KIAA1671: variants seen among roughly 807,000 people sequenced by gnomAD.
KIAA1671 encodes uncharacterized protein KIAA1671.
In KIAA1671, 52 loss-of-function variants were observed where a neutral mutation model predicts 131.2. The ratio of observed to expected loss-of-function variants is 0.40; its 90% CI spans 0.32 to 0.50. The LOEUF is 0.50. Ranked by LOEUF, KIAA1671 falls within the 20% of genes least tolerant of loss-of-function variation. KIAA1671 has a pLI of 0.73. For synonymous variants in KIAA1671, 1,003 were observed against 961.6 expected (o/e 1.04, Z -0.80); for missense variants, 2,360 against 2,364.2 (o/e 1.00, Z 0.04).
At chr22:24,973,067 C>T (rs1922712107) in intron 1 of KIAA1671, among the ~76,000 whole-genome samples, 3 of 152,130 alleles carry the variant, frequency 2.0e-5, no homozygotes, top group Admixed American at 2.0e-4. Context: ...GCAAGCTGGG[C>T]ATTGTGCTGG....
At chr22:25,018,655 C>T (rs945257426) in intron 1 of KIAA1671, among the ~76,000 whole-genome samples, 180 of 152,264 alleles carry the variant, frequency 1.2e-3, no homozygotes, top group African/African-American at 3.9e-3. Context: ...ATTATGCATA[C>T]AGTATTTGTC....
chr22:25,034,830 T>C (rs1272573750), intron 4 of KIAA1671, among the ~76,000 whole-genome samples: 1 of 152,046 alleles, frequency 6.6e-6, no homozygotes, highest in African/African-American at 2.4e-5. Context: ...CTCCGCCTCC[T>C]GGGTTCACAC....
rs905228858 is a variant in KIAA1671, at chr22:24,952,960, C to T, written c.-208+188C>T. On this transcript the variant is annotated intron_variant, in intron 1 of 12. Coordinates refer to ENST00000358431, the MANE Select transcript of KIAA1671 (RefSeq NM_001145206.2). The surrounding 1 kb of genome is among the most constrained non-coding windows in gnomAD (Gnocchi z 4.5). ...GGAGCCGGAGGATTTCCCCAGACTCCGGGTCTGCAGGGAGGGAGGATCCCG... is the reference window on the plus strand; with the variant it reads ...GGAGCCGGAGGATTTCCCCAGACTCTGGGTCTGCAGGGAGGGAGGATCCCG... 1.3e-5 allele frequency among the ~76,000 whole-genome samples: 2 copies of T among 152,178 alleles called. No homozygotes were observed. The highest frequency in any genetic ancestry group is 4.1e-4 in the South Asian group (2 of 4,832).
intron 6 of KIAA1671, among the ~76,000 whole-genome samples, chr22:25,068,647 A>G (rs1482244105): frequency 1.3e-5 from 2 of 152,184 alleles, no homozygotes; most frequent in East Asian, 1.9e-4. Flanking sequence ...CGTGTTAGCC[A>G]GGATGGTCTC....
At chr22:25,084,056 C>A (rs1223802551) in intron 6 of KIAA1671, among the ~76,000 whole-genome samples, 1 of 152,218 alleles carries the variant, frequency 6.6e-6, no homozygotes, top group Non-Finnish European at 1.5e-5. Flanking sequence ...CAGGTCAGTC[C>A]CAGTAGTCTG....
rs1356864882 is a variant in KIAA1671, at chr22:25,028,591, C to T, written c.592C>T (p.Pro198Ser). ...KPAGTLPRSAPLSQDTKPPVP... is the reference protein window; with the variant it reads ...KPAGTLPRSASLSQDTKPPVP... ...TGCGGGGACCCTTCCCCGGTCAGCT[C>T]CCCTGTCTCAGGACACAAAACCACC... The change falls in exon 3 of 13, where the codon CCC becomes TCC. Residue 198 changes from proline to serine, a missense_variant. Transcript: ENST00000358431. 7.7e-6 allele frequency: 12 copies of T among 1,549,200 alleles called. No individual in the cohort carries two copies. The Admixed American group carries it at 1.8e-4, about 23-fold the overall frequency.
intron 6 of KIAA1671, among the ~76,000 whole-genome samples, chr22:25,157,239 ATC>A (rs1933273787): frequency 6.6e-6 from 1 of 152,256 alleles, no homozygotes; most frequent in Non-Finnish European, 1.5e-5. Context: ...AAAAAAAGTC[ATC>A]TCTCCTCGTC....
At position 25,194,648 on chromosome 22, in the gene KIAA1671, A is replaced by G. The variant is rs1055762595; in HGVS notation, c.*2247A>G. Reference sequence around the variant, plus strand: ...CATACCTTAATTGGAAAAATAATCAATTAATTCTATGTTAATTAGGATATA... The same window carrying G: ...CATACCTTAATTGGAAAAATAATCAGTTAATTCTATGTTAATTAGGATATA... On this transcript the variant is annotated 3_prime_UTR_variant, in exon 13 of 13. Transcript: ENST00000358431. 1 of 152,254 alleles carries G rather than the reference A, an allele frequency of 6.6e-6. No individual in the cohort carries two copies. Among genetic ancestry groups the G allele is most frequent in the Admixed American group, 6.5e-5 (1 of 15,288 alleles). The allele number at this position is 152,254 out of a possible 1,614,324, so 9.4% of individuals were successfully genotyped here.
chr22:25,043,703 T>TTGGCCATGCTTTTGGGTGGGC (rs1927066880), intron 5 of KIAA1671, among the ~76,000 whole-genome samples: 1 of 151,630 alleles, frequency 6.6e-6, no homozygotes, highest in African/African-American at 2.4e-5. Flanking sequence ...AGCTTGAGGG[T>TTGGCCATGCTTTTGGGTGGGC]TGGCCATGCT....
chr22:25,155,459 G>A (rs1373546200), intron 6 of KIAA1671, among the ~76,000 whole-genome samples: 2 of 151,900 alleles, frequency 1.3e-5, no homozygotes, highest in African/African-American at 4.8e-5. Context: ...ATGCATTTGT[G>A]TATATTTGTG....
At chr22:25,182,422 CTTCT>C (rs1197885700) in intron 10 of KIAA1671, among the ~76,000 whole-genome samples, 4 of 147,750 alleles carry the variant, frequency 2.7e-5, no homozygotes, top group African/African-American at 5.0e-5. Context: ...CTTTTTTATC[CTTCT>C]TTTTTTCCTT....
At chr22:25,164,314 C>T (rs1171612735) in intron 6 of KIAA1671, among the ~76,000 whole-genome samples, 1 of 152,220 alleles carries the variant, frequency 6.6e-6, no homozygotes, top group African/African-American at 2.4e-5. Flanking sequence ...AACTAAGAGC[C>T]CCATAGCTGT....
At chr22:25,114,357 C>A (rs1029958193) in intron 6 of KIAA1671, among the ~76,000 whole-genome samples, 3 of 152,238 alleles carry the variant, frequency 2.0e-5, no homozygotes, top group Non-Finnish European at 4.4e-5. Flanking sequence ...AAGCCCCCAG[C>A]ACAGTGCCAG....
chr22:25,088,083 A>C (rs1293157300), intron 6 of KIAA1671, among the ~76,000 whole-genome samples: 1 of 151,408 alleles, frequency 6.6e-6, no homozygotes, highest in Non-Finnish European at 1.5e-5. Context: ...ACTGGTGTTA[A>C]TGATGTCTTT....
intron 1 of KIAA1671, among the ~76,000 whole-genome samples, chr22:24,959,901 C>A (rs1921922935): frequency 6.6e-6 from 1 of 151,402 alleles, no homozygotes; most frequent in Non-Finnish European, 1.5e-5. Context: ...ACTTTGGGAC[C>A]CCGAGGGAGG....
chr22:25,094,778 G>A (rs543424724), intron 6 of KIAA1671, among the ~76,000 whole-genome samples: 13 of 152,218 alleles, frequency 8.5e-5, no homozygotes, highest in African/African-American at 1.7e-4. Flanking sequence ...GTACACATCC[G>A]CATTCTCACG....
intron 1 of KIAA1671, among the ~76,000 whole-genome samples, chr22:24,983,447 A>T (rs1008595137): frequency 1.3e-5 from 2 of 151,910 alleles, no homozygotes; most frequent in Non-Finnish European, 2.9e-5. Context: ...ATGCAGAGTG[A>T]CCTCATTCAG....
chr22:25,052,917 T>C (rs1927616563), intron 6 of KIAA1671: 1 of 152,194 alleles, frequency 6.6e-6, no homozygotes, highest in Non-Finnish European at 1.5e-5. Context: ...GGTTTTGCCA[T>C]GTTGGCCAGG....
At position 25,028,156 on chromosome 22, in the gene KIAA1671, C is replaced by T; in HGVS notation, c.157C>T (p.Pro53Ser). ...AGCCCGGATCTTGGAAGCGAAGAGC[C>T]CCCTGCGGAGCCCGGCCCGGTTACT... ...PPARILEAKS[P>S]LRSPARLLPL... is the part of the protein sequence containing the mutation. Residue 53 changes from proline to serine, a missense_variant, in exon 3 of 13, where the codon CCC (proline) becomes TCC (serine). Physicochemically the swap from Pro to Ser is moderately conservative, Grantham distance 74. Transcript: ENST00000358431. The T allele has an allele frequency of 6.4e-7, 1 of 1,550,904 alleles. No individual in the cohort carries two copies. Among genetic ancestry groups the T allele is most frequent in the Non-Finnish European group, 8.7e-7 (1 of 1,146,616 alleles).
Sources: gnomAD v4.1 joint callset for allele counts (sites outside exome capture counted in the v4.1 genomes callset) on GRCh38, gnomAD v4.1.1 for gene constraint, Gnocchi (gnomAD v3.1) non-coding constraint, MANE v1.5 for transcripts, NCBI Gene and HGNC (gene_info 2026-07-23, HGNC 2026-07-21) for gene names.